The following RGS5 variants were observed in gnomAD, a reference collection of about 807,000 sequenced individuals.
RGS5 encodes regulator of G protein signaling 5, also known as regulator of G-protein signalling 5.
Under a neutral mutation model 18.9 loss-of-function variants are expected in RGS5, and 20 were observed. That is an observed-to-expected ratio of 1.06 (90% CI 0.74 to 1.54). The LOEUF is 1.54. RGS5 is among the 40% of genes most tolerant of loss of function. RGS5 has a pLI of 0.00. For missense variants in RGS5, 201 were observed against 211.8 expected (o/e 0.95, Z 0.32); for synonymous variants, 57 against 76.2 (o/e 0.75, Z 1.31).
upstream of RGS5, among the ~76,000 whole-genome samples, chr1:163,218,790 CAA>C (rs1660272917): frequency 6.6e-6 from 1 of 152,050 alleles, no homozygotes; most frequent in Admixed American, 6.6e-5. Flanking sequence ...TGGTAAAAGA[CAA>C]AGAGATTGCC....
intron 1 of RGS5, among the ~76,000 whole-genome samples, chr1:163,201,801 G>T (rs768551093): frequency 3.3e-5 from 5 of 152,236 alleles, no homozygotes; most frequent in Middle Eastern, 3.4e-3. Context: ...AAAATCTTCC[G>T]AGACAAACAC....
intron 1 of RGS5, among the ~76,000 whole-genome samples, chr1:163,306,589 G>A (rs1236692652): frequency 6.6e-6 from 1 of 152,100 alleles, no homozygotes; most frequent in Non-Finnish European, 1.5e-5. Context: ...AAAGAGATAT[G>A]TTGAAATCCC....
intron 1 of RGS5, among the ~76,000 whole-genome samples, chr1:163,197,754 A>G (rs947114989): frequency 2.0e-5 from 3 of 152,192 alleles, no homozygotes; most frequent in African/African-American, 7.2e-5. Flanking sequence ...AATATCAGGT[A>G]TAGTAAGCTT....
At chr1:163,177,832 C>T (rs1658624544) in intron 1 of RGS5, among the ~76,000 whole-genome samples, 1 of 152,198 alleles carries the variant, frequency 6.6e-6, no homozygotes, top group African/African-American at 2.4e-5. Flanking sequence ...TGTTGCCAGG[C>T]ATTTCATGCT....
intron 1 of RGS5, among the ~76,000 whole-genome samples, chr1:163,183,080 C>T (rs1376117141): frequency 6.6e-6 from 1 of 152,120 alleles, no homozygotes; most frequent in South Asian, 2.1e-4. Context: ...TACATTTACA[C>T]AAAAGATACA....
intron 1 of RGS5, among the ~76,000 whole-genome samples, chr1:163,168,936 T>A (rs555118414): frequency 1.3e-5 from 2 of 152,132 alleles, no homozygotes; most frequent in Non-Finnish European, 2.9e-5. Context: ...TATGTATACA[T>A]GTACCATGTT....
intron 4 of RGS5, among the ~76,000 whole-genome samples, chr1:163,147,951 G>A (rs1657217249): frequency 3.6e-5 from 1 of 28,048 alleles, no homozygotes; most frequent in Non-Finnish European, 6.0e-5. Flanking sequence ...GTTGGATAGA[G>A]TCTAGTTCTG....
rs570460115 is a variant in RGS5 at position 163,147,558 on chromosome 1, G to A, written c.385-55C>T. 875 of 1,408,704 alleles carry A rather than the reference G, an allele frequency of 6.2e-4. 13 individuals are homozygous for A. The South Asian group carries it at 0.014, about 22-fold the overall frequency. The allele number at this position is 1,408,704 out of a possible 1,614,324, so 87.3% of individuals were successfully genotyped here. A position where few individuals can be genotyped will look rare whatever the true frequency, so the allele number is the denominator to read the frequency against. Reference sequence around the variant, plus strand: ...AAGCCTAAGTTATAGAATTTGATGAGGGGTGAAGAGGGAGGTGGAATTTCT... The same window carrying A: ...AAGCCTAAGTTATAGAATTTGATGAAGGGTGAAGAGGGAGGTGGAATTTCT... On this transcript the variant is annotated intron_variant, in intron 4 of 4. Transcript: ENST00000313961.
intron 2 of RGS5, among the ~76,000 whole-genome samples, chr1:163,280,360 C>T (rs368828612): frequency 2.0e-5 from 3 of 152,048 alleles, no homozygotes; most frequent in Admixed American, 6.6e-5. Context: ...TCAACATATG[C>T]AATTCAATGA....
Position 163,313,333 on chromosome 1 carries a change from C to T in RGS5, c.-377-7004G>A, listed in dbSNP as rs559925069. Reference sequence around the variant, plus strand: ...GAGAAAATCTTCAGAAAAGCCCTAGCCAATGAACAGAACTAGAGGCAACTG... The same window carrying T: ...GAGAAAATCTTCAGAAAAGCCCTAGTCAATGAACAGAACTAGAGGCAACTG... On this transcript the variant is annotated intron_variant, in intron 1 of 5. Coordinates refer to the RGS5 transcript ENST00000618415. Among the ~76,000 whole-genome samples the T allele has an allele frequency of 8.5e-5, 13 of 152,256 alleles. No homozygotes were observed. The East Asian group carries it at 2.5e-3, about 29-fold the overall frequency.
Position 163,296,653 on chromosome 1 carries a change from TCTAA to T in RGS5, c.-281+9576_-281+9579del, listed in dbSNP as rs1649425843. ...ACTAAAAAACTAGGTTATAGTTTAT[TCTAA>T]CTATTAACCTTTTCCTTTTGTTTAC... On this transcript the variant is annotated intron_variant, in intron 2 of 5. Transcript: ENST00000618415. Among the ~76,000 whole-genome samples the T allele has an allele frequency of 2.6e-5, 4 of 152,198 alleles. No individual in the cohort carries two copies. In the South Asian group the frequency reaches 8.3e-4, roughly 32 times the overall value.
In RGS5 at chr1:163,315,063, G is replaced by C. The variant is rs1341290399; in HGVS notation, c.-378+6559C>G. Among the ~76,000 whole-genome samples, 5 of 152,254 alleles carry C rather than the reference G, an allele frequency of 3.3e-5. 1 individual carries two copies. In the East Asian group the frequency reaches 9.7e-4, roughly 29 times the overall value. On this transcript the variant is annotated intron_variant, in intron 1 of 5. Coordinates refer to the RGS5 transcript ENST00000618415. ...GAGTACAATCACTGCTCGGGTGACA[G>C]ATGTACTAATATCTCAGAAATCACT...
intron 2 of RGS5, among the ~76,000 whole-genome samples, chr1:163,294,420 A>C (rs1394765731): frequency 6.6e-6 from 1 of 152,172 alleles, no homozygotes; most frequent in East Asian, 1.9e-4. Context: ...TGTACCTTGG[A>C]CCATTTTAGT....
chr1:163,222,989 C>T (rs562778048), intron 2 of RGS5, among the ~76,000 whole-genome samples: 6 of 152,184 alleles, frequency 3.9e-5, no homozygotes, highest in African/African-American at 9.6e-5. Context: ...TGATTACAGA[C>T]GTGCACCACC....
intron 1 of RGS5, among the ~76,000 whole-genome samples, chr1:163,197,285 A>C (rs1298380280): frequency 6.6e-6 from 1 of 152,084 alleles, no homozygotes; most frequent in African/African-American, 2.4e-5. Flanking sequence ...CCCTTCACCT[A>C]GATGGCCTTC....
chr1:163,180,686 G>GTTTTTTTTTTTTTTTTTTTTTGTTTTTTT (rs1658784408), intron 1 of RGS5, among the ~76,000 whole-genome samples: 1 of 61,964 alleles, frequency 1.6e-5, no homozygotes, highest in African/African-American at 7.1e-5. Context: ...CCCTTACCCT[G>GTTTTTTTTTTTTTTTTTTTTTGTTTTTTT]TTTTTTTTTT....
At chr1:163,299,029 C>G (rs1378955251) in intron 2 of RGS5, among the ~76,000 whole-genome samples, 1 of 152,132 alleles carries the variant, frequency 6.6e-6, no homozygotes, top group African/African-American at 2.4e-5. Context: ...AGCCCTGCCT[C>G]TTAAATTCAA....
Position 163,178,181 on chromosome 1 carries a change from C to T in RGS5, c.45-9813G>A, listed in dbSNP as rs569805532. Among the ~76,000 whole-genome samples the T allele has an allele frequency of 5.3e-5, 8 of 151,988 alleles. No homozygotes were observed. In the South Asian group the frequency reaches 1.0e-3, roughly 20 times the overall value. Reference sequence around the variant, plus strand: ...AAAAAATTAGCCAGGCGTGGTGGTACGTGCCTGTAGTCCCAGCTACTAGGG... The same window carrying T: ...AAAAAATTAGCCAGGCGTGGTGGTATGTGCCTGTAGTCCCAGCTACTAGGG... On this transcript the variant is annotated intron_variant, in intron 1 of 4. Transcript: ENST00000313961.
chr1:163,168,297 G>A lies in RGS5; in HGVS notation c.116C>T (p.Pro39Leu), dbSNP rs774429422. The change falls in exon 2 of 5, where the codon CCG (proline) becomes CTG (leucine). Residue 39 changes from proline (P) to leucine (L), a missense_variant. By Grantham distance (98) the Pro-to-Leu change is moderately conservative (BLOSUM62 -3). Transcript: ENST00000313961. ...KPDSVGDLVI[P>L]YNEKPEKPAK... ...TGGTTTCTCTGGCTTCTCATTGTAC[G>A]GAATGACAAGGTCACCAACTGAGTC... is the stretch of plus-strand genomic sequence containing the variant. 8.7e-6 allele frequency: 14 copies of A among 1,613,616 alleles called. No homozygotes were observed. The highest frequency in any genetic ancestry group is 1.6e-4 in the Middle Eastern group (1 of 6,080).
Sources: allele counts gnomAD v4.1 joint callset (sites outside exome capture counted in the v4.1 genomes callset), GRCh38; gene constraint gnomAD v4.1.1; transcripts MANE v1.5; gene names NCBI Gene and HGNC (gene_info 2026-07-23, HGNC 2026-07-21).